TP63: variants seen among roughly 807,000 people sequenced by gnomAD.
TP63 encodes tumor protein p63.
TP63 carries 17 observed loss-of-function variants against 82.8 expected under a neutral mutation model. The ratio of observed to expected loss-of-function variants is 0.21; its 90% confidence interval spans 0.14 to 0.31. TP63 has a LOEUF of 0.31. TP63 is among the 10% of genes least tolerant of loss of function. TP63 has a pLI of 1.00. For synonymous variants in TP63, 330 were observed against 321.7 expected (o/e 1.03, Z -0.28); for missense variants, 648 against 895.3 (o/e 0.72, Z 3.52).
intron 4 of TP63, among the ~76,000 whole-genome samples, chr3:189,827,673 G>A (rs1006667443): frequency 6.6e-6 from 1 of 152,186 alleles, no homozygotes; most frequent in African/African-American, 2.4e-5. Flanking sequence ...GGAGTGGGAA[G>A]CAGTTTGGTA....
the TP63 span, among the ~76,000 whole-genome samples, chr3:189,600,302 T>G: frequency 4.6e-5 from 7 of 152,096 alleles, no homozygotes; most frequent in South Asian, 1.5e-3. Flanking sequence ...TATAATGTGT[T>G]TAACCTCTCT....
chr3:189,806,921 T>G (rs1025439866), intron 3 of TP63, among the ~76,000 whole-genome samples: 1 of 152,182 alleles, frequency 6.6e-6, no homozygotes, highest in Non-Finnish European at 1.5e-5. Flanking sequence ...AGTTTGAAAT[T>G]TTTAAAAAGA....
chr3:189,723,711 G>A (rs1242008987), intron 1 of TP63, among the ~76,000 whole-genome samples: 1 of 152,130 alleles, frequency 6.6e-6, no homozygotes, highest in Non-Finnish European at 1.5e-5. Context: ...GGAACAAAAT[G>A]TGCCCTGATG....
the TP63 span, among the ~76,000 whole-genome samples, chr3:189,625,309 G>A: frequency 0.024 from 3,691 of 152,134 alleles, 148 homozygotes; most frequent in African/African-American, 0.084. Flanking sequence ...GATGGACACG[G>A]CATCACTTTT....
intron 4 of TP63, among the ~76,000 whole-genome samples, chr3:189,850,264 A>G (rs1249365651): frequency 2.6e-5 from 4 of 152,142 alleles, no homozygotes; most frequent in Non-Finnish European, 5.9e-5. Context: ...CCTGGGCAAC[A>G]GAGTGAGACT....
chr3:189,788,952 GAAGA>G (rs1469100150), intron 3 of TP63, among the ~76,000 whole-genome samples: 2 of 143,566 alleles, frequency 1.4e-5, no homozygotes, highest in Non-Finnish European at 3.1e-5. Flanking sequence ...AAAAAAAAAA[GAAGA>G]AAGAAAGGAC....
chr3:189,890,759 C>T, intron 12 of TP63, 30 bp from the exon 13 acceptor site: 1 of 1,604,090 alleles, frequency 6.2e-7, no homozygotes, highest in East Asian at 2.2e-5. Context: ...TTTTCTGTTT[C>T]CTCCTTCCTC....
intron 3 of TP63, among the ~76,000 whole-genome samples, chr3:189,751,219 T>C (rs528623863): frequency 1.6e-4 from 25 of 152,354 alleles, no homozygotes; most frequent in Admixed American, 1.0e-3. Flanking sequence ...CAGTCTATCA[T>C]TGATGGACCT....
the TP63 span, among the ~76,000 whole-genome samples, chr3:189,613,091 T>A: frequency 6.6e-6 from 1 of 152,168 alleles, no homozygotes; most frequent in East Asian, 1.9e-4. Context: ...GAAATTTGCT[T>A]AAGTAGCAAG....
intron 1 of TP63, among the ~76,000 whole-genome samples, chr3:189,637,065 G>C (rs1729830235): frequency 6.6e-6 from 1 of 151,834 alleles, no homozygotes; most frequent in Non-Finnish European, 1.5e-5. Flanking sequence ...ACCAACCCTG[G>C]ACTGGATGCT....
chr3:189,830,219 A>G (rs999862504), intron 4 of TP63, among the ~76,000 whole-genome samples: 6 of 152,178 alleles, frequency 3.9e-5, no homozygotes, highest in African/African-American at 1.4e-4. Flanking sequence ...CTAGACCTTT[A>G]CAAATTGTAG....
At position 189,808,378 on chromosome 3, in the gene TP63, C is replaced by T. The variant is rs1274675449; in HGVS notation, c.431C>T (p.Thr144Met). The T allele has an allele frequency of 2.5e-6, 4 of 1,614,094 alleles. No individual in the cohort carries two copies. Among genetic ancestry groups the T allele is most frequent in the Admixed American group, 1.7e-5 (1 of 60,002 alleles). The part of the protein sequence containing the change: ...YNTDHAQNSV[T>M]APSPYAQPSS... ...ACAGACCACGCGCAGAACAGCGTCA[C>T]GGCGCCCTCGCCCTACGCACAGCCC... is the stretch of plus-strand genomic sequence containing the variant. Residue 144 changes from threonine to methionine, a missense_variant, in exon 4 of 14, where the codon ACG becomes ATG. Physicochemically the swap from Thr to Met is moderately conservative, Grantham distance 81 (BLOSUM62 -1). Around this residue, in one of 5 missense-constraint regions of TP63, gnomAD observed 182 missense variants for 213.6 expected, o/e 0.85. Transcript: ENST00000264731.
chr3:189,757,342 T>G (rs1264175621), intron 3 of TP63, among the ~76,000 whole-genome samples: 1 of 152,188 alleles, frequency 6.6e-6, no homozygotes, highest in Non-Finnish European at 1.5e-5. Flanking sequence ...TGAATCTAGC[T>G]CAGTTATTCA....
intron 3 of TP63, among the ~76,000 whole-genome samples, chr3:189,771,532 A>G (rs72625041): frequency 0.052 from 7,633 of 147,112 alleles, 414 homozygotes; most frequent in East Asian, 0.31. Flanking sequence ...CTATGTGTGG[A>G]GGATGAAAGC....
chr3:189,699,567 A>G (rs1717646974), intron 1 of TP63, among the ~76,000 whole-genome samples: 1 of 152,224 alleles, frequency 6.6e-6, no homozygotes, highest in Non-Finnish European at 1.5e-5. Context: ...CACAACAATG[A>G]TATAAGAAAT....
chr3:189,644,248 C>T (rs1287308026), intron 1 of TP63, among the ~76,000 whole-genome samples: 2 of 151,426 alleles, frequency 1.3e-5, no homozygotes, highest in African/African-American at 4.9e-5. Context: ...CCCTTCCCCT[C>T]TCTCATACCC....
At chr3:189,691,351 A>G (rs1307369950) in intron 1 of TP63, among the ~76,000 whole-genome samples, 1 of 147,168 alleles carries the variant, frequency 6.8e-6, no homozygotes, top group Non-Finnish European at 1.5e-5. Flanking sequence ...AAAAAAAAAA[A>G]AAAAAAAAAG....
chr3:189,818,422 A>G (rs1728426095), intron 4 of TP63, among the ~76,000 whole-genome samples: 1 of 152,088 alleles, frequency 6.6e-6, no homozygotes, highest in Non-Finnish European at 1.5e-5. Flanking sequence ...ATGCCTTGAC[A>G]TATATGTATT....
At position 189,738,335 on chromosome 3, in the gene TP63, C is replaced by G. The variant is rs529265391; in HGVS notation, c.192-307C>G. ...AAGAGAATTTCAGCACACTGGAGAC[C>G]CTTAGGAATCGAGTATAAAATACTC... is the stretch of plus-strand genomic sequence containing the variant. On this transcript the variant is annotated intron_variant, in intron 2 of 13. Coordinates refer to ENST00000264731, the MANE Select transcript of TP63 (RefSeq NM_003722.5). Among the ~76,000 whole-genome samples, 40 of 152,168 alleles carry G rather than the reference C, an allele frequency of 2.6e-4. No homozygotes were observed. The South Asian group carries it at 8.3e-3, about 32-fold the overall frequency.
Sources: allele counts gnomAD v4.1 joint callset (sites outside exome capture counted in the v4.1 genomes callset), GRCh38; gene constraint gnomAD v4.1.1; regional missense constraint gnomAD v4.1.1; transcripts MANE v1.5; gene names NCBI Gene and HGNC (gene_info 2026-07-23, HGNC 2026-07-21).